Variants in KAZN observed in about 807,000 individuals in gnomAD.
KAZN encodes kazrin.
A neutral mutation model predicts 87.4 loss-of-function variants in KAZN; 40 were observed. That is an observed-to-expected ratio of 0.46 (90% CI 0.36 to 0.60). The LOEUF is 0.60. Among genes scored for constraint, KAZN ranks in the 20% least tolerant of loss-of-function variants. The pLI, the probability that KAZN is intolerant of heterozygous loss-of-function variation, is 0.00. For synonymous variants in KAZN, 466 were observed against 458.3 expected (o/e 1.02, Z -0.22); for missense variants, 898 against 1,073.9 (o/e 0.84, Z 2.29).
At chr1:14,266,589 C>T (rs1651489708) in intron 2 of KAZN, among the ~76,000 whole-genome samples, 1 of 152,160 alleles carries the variant, frequency 6.6e-6, no homozygotes, top group Non-Finnish European at 1.5e-5. Flanking sequence ...AATAAAAACA[C>T]ACAAGATAAT....
At position 13,931,874 on chromosome 1, in the gene KAZN, A is replaced by G. The variant is rs186695465; in HGVS notation, c.91+38118A>G. The stretch of plus-strand genomic sequence containing the variant: ...TTTCTTTGAAACGGAGTCTCGCTCT[A>G]TTGCCCAGGCTGGAGTGCAGTGGCA... On this transcript the variant is annotated intron_variant, in intron 1 of 16. Transcript: ENST00000636203. 7.7e-3 allele frequency among the ~76,000 whole-genome samples: 1,173 copies of G among 151,824 alleles called. 12 individuals carry two copies. Among genetic ancestry groups the G allele is most frequent in the African/African-American group, 0.027 (1,102 of 41,428 alleles).
intron 11 of KAZN, among the ~76,000 whole-genome samples, 183 bp downstream of exon 11, chr1:15,101,957 TCCAGCCAGCCAG>T (rs1179732586): frequency 6.6e-6 from 1 of 152,166 alleles, no homozygotes; most frequent in Non-Finnish European, 1.5e-5. Flanking sequence ...CCAGCCATCA[TCCAGCCAGCCAG>T]CCAGTCAGCC....
intron 1 of KAZN, among the ~76,000 whole-genome samples, chr1:14,902,766 G>A (rs1253100133): frequency 6.6e-6 from 1 of 152,108 alleles, no homozygotes; most frequent in African/African-American, 2.4e-5. Context: ...GGCCCTCTGA[G>A]CAGTGAATGT....
chr1:14,080,323 G>A lies in KAZN; in HGVS notation c.92-100112G>A, dbSNP rs72861280. Among the ~76,000 whole-genome samples, 971 of 152,352 alleles carry A rather than the reference G, an allele frequency of 6.4e-3. 11 individuals carry two copies. The highest frequency in any genetic ancestry group is 0.022 in the African/African-American group (930 of 41,590). The stretch of plus-strand genomic sequence containing the variant: ...GCAGAGAAATGACAGGACACAGGAA[G>A]GTGGTTTTAGGCTTCTAAGACTGGG... On this transcript the variant is annotated intron_variant, in intron 1 of 16. Coordinates refer to the KAZN transcript ENST00000636203.
chr1:14,868,171 C>T (rs201633961), intron 1 of KAZN, among the ~76,000 whole-genome samples: 22 of 151,806 alleles, frequency 1.4e-4, no homozygotes, highest in Non-Finnish European at 2.5e-4. Context: ...AGGCGGGCAT[C>T]GCATAGGCAG....
At chr1:14,792,022 G>A (rs112030614) in intron 1 of KAZN, among the ~76,000 whole-genome samples, 2 of 150,896 alleles carry the variant, frequency 1.3e-5, no homozygotes, top group African/African-American at 2.4e-5. Flanking sequence ...TGCTTTTCAT[G>A]TTCCCCCTGC....
intron 2 of KAZN, among the ~76,000 whole-genome samples, chr1:14,407,056 A>C (rs1663912020): frequency 6.6e-6 from 1 of 152,226 alleles, no homozygotes; most frequent in African/African-American, 2.4e-5. Flanking sequence ...GCTTGTTTTC[A>C]TGCTTTATAA....
At chr1:14,774,848 G>C (rs12088443) in intron 1 of KAZN, among the ~76,000 whole-genome samples, 3 of 152,012 alleles carry the variant, frequency 2.0e-5, no homozygotes, top group Admixed American at 2.0e-4. Context: ...CTCCAAGTCC[G>C]TGGTACATCA....
At chr1:14,530,490 C>A (rs1672147768) in intron 2 of KAZN, among the ~76,000 whole-genome samples, 1 of 152,092 alleles carries the variant, frequency 6.6e-6, no homozygotes, top group South Asian at 2.1e-4. Flanking sequence ...GGAGGTGGGG[C>A]CTGGTGGGAG....
chr1:14,438,984 G>C (rs1020767547), intron 2 of KAZN, among the ~76,000 whole-genome samples: 1 of 152,046 alleles, frequency 6.6e-6, no homozygotes, highest in African/African-American at 2.4e-5. Flanking sequence ...TATTTATTGC[G>C]TCTCCATTCT....
At chr1:14,063,661 G>A (rs1642883878) in intron 1 of KAZN, among the ~76,000 whole-genome samples, 2 of 152,196 alleles carry the variant, frequency 1.3e-5, no homozygotes, top group Admixed American at 6.5e-5. Flanking sequence ...AGGTAGGTCA[G>A]TGATATGGTT....
At chr1:14,618,744 C>T (rs1021765560) in intron 1 of KAZN, among the ~76,000 whole-genome samples, 1 of 152,218 alleles carries the variant, frequency 6.6e-6, no homozygotes, top group Non-Finnish European at 1.5e-5. Context: ...ATGTGTCACT[C>T]TTTTGTCCCA....
intron 1 of KAZN, among the ~76,000 whole-genome samples, chr1:14,818,215 G>A (rs528027883): frequency 3.9e-5 from 6 of 152,306 alleles, no homozygotes; most frequent in East Asian, 1.9e-4. Flanking sequence ...TTGCCCCTTC[G>A]TCCACTGGAA....
At chr1:14,326,076 T>C (rs1457532240) in intron 2 of KAZN, among the ~76,000 whole-genome samples, 1 of 152,196 alleles carries the variant, frequency 6.6e-6, no homozygotes, top group Admixed American at 6.5e-5. Flanking sequence ...AGACTTCTGC[T>C]GTGAACTCCA....
chr1:14,103,981 C>T (rs1644315193), intron 1 of KAZN, among the ~76,000 whole-genome samples: 1 of 152,046 alleles, frequency 6.6e-6, no homozygotes, highest in Non-Finnish European at 1.5e-5. Flanking sequence ...GACAAATAGG[C>T]AAAAATCGAC....
intron 1 of KAZN, among the ~76,000 whole-genome samples, chr1:14,864,882 G>A (rs933405865): frequency 2.0e-5 from 3 of 152,140 alleles, no homozygotes; most frequent in African/African-American, 7.2e-5. Context: ...CCCACAAGAT[G>A]GTTGTGATGT....
intron 1 of KAZN, among the ~76,000 whole-genome samples, chr1:14,845,667 C>A (rs529079824): frequency 3.9e-5 from 6 of 152,234 alleles, no homozygotes; most frequent in Admixed American, 3.3e-4. Flanking sequence ...CAGATTGCCC[C>A]CATGATACCC....
upstream of KAZN, chr1:14,598,633 C>T (rs1483399116): frequency 2.0e-5 from 22 of 1,120,306 alleles, no homozygotes; most frequent in Admixed American, 5.1e-5. This position sits in a 1 kb window ranked among gnomAD's most constrained non-coding sequence, Gnocchi z 4.2. Context: ...CCTCCCGAGC[C>T]GGCGGCGAAT....
intron 2 of KAZN, among the ~76,000 whole-genome samples, chr1:14,581,243 C>T (rs1036732003): frequency 3.3e-5 from 5 of 152,176 alleles, no homozygotes; most frequent in African/African-American, 4.8e-5. Flanking sequence ...CTCCTCCCAC[C>T]GCCTTCCGCA....
Sources: gnomAD v4.1 joint callset for allele counts (sites outside exome capture counted in the v4.1 genomes callset) on GRCh38, gnomAD v4.1.1 for gene constraint, Gnocchi (gnomAD v3.1) non-coding constraint, MANE v1.5 for transcripts, NCBI Gene and HGNC (gene_info 2026-07-23, HGNC 2026-07-21) for gene names.